Variants in ZMIZ1 observed in about 807,000 individuals in gnomAD.
ZMIZ1 encodes the protein zinc finger MIZ domain-containing protein 1.
Under a neutral mutation model 113.9 loss-of-function variants are expected in ZMIZ1, and 17 were observed. The observed-to-expected ratio is 0.15, with a 90% CI of 0.10 to 0.22. The LOEUF (loss-of-function observed/expected upper bound fraction) is 0.22, where lower values mean the gene tolerates loss of function less well. Ranked by LOEUF, ZMIZ1 falls within the 10% of genes least tolerant of loss-of-function variation. The pLI, the probability that ZMIZ1 is intolerant of heterozygous loss-of-function variation, is 1.00. For synonymous variants in ZMIZ1, 607 were observed against 603.1 expected (o/e 1.01, Z -0.09); for missense variants, 1,059 against 1,477.8 (o/e 0.72, Z 4.65).
At chr10:79,095,266 C>T (rs1050574040) in intron 1 of ZMIZ1, among the ~76,000 whole-genome samples, 2 of 152,242 alleles carry the variant, frequency 1.3e-5, no homozygotes, top group Non-Finnish European at 2.9e-5. Flanking sequence ...GCTCATAAAT[C>T]AGTCATGTCT....
intron 5 of ZMIZ1, among the ~76,000 whole-genome samples, chr10:79,206,703 G>A (rs1029246700): frequency 7.2e-5 from 11 of 152,358 alleles, no homozygotes; most frequent in African/African-American, 2.6e-4. Flanking sequence ...CAGAGTCAGG[G>A]CCAAGGGCAG....
chr10:79,150,254 C>T (rs1845659244), intron 3 of ZMIZ1, among the ~76,000 whole-genome samples: 1 of 152,236 alleles, frequency 6.6e-6, no homozygotes, highest in Non-Finnish European at 1.5e-5. Context: ...CCACCTTTGC[C>T]CCACCCCGTA....
chr10:79,089,242 C>T (rs1469446264), intron 1 of ZMIZ1, among the ~76,000 whole-genome samples: 1 of 152,218 alleles, frequency 6.6e-6, no homozygotes, highest in Non-Finnish European at 1.5e-5. Flanking sequence ...CCGGAGCCTC[C>T]GCATGTCAGA....
intron 3 of ZMIZ1, among the ~76,000 whole-genome samples, chr10:79,159,792 C>A (rs183833662): frequency 1.2e-4 from 19 of 152,232 alleles, no homozygotes; most frequent in African/African-American, 4.6e-4. Context: ...CTAGCACCCC[C>A]ACTTATGGCT....
chr10:79,312,613 T>A, intron 24 of ZMIZ1, 29 bp from the exon 25 acceptor site: 1 of 1,612,562 alleles, frequency 6.2e-7, no homozygotes, highest in Non-Finnish European at 8.5e-7. Flanking sequence ...GCACACCTCA[T>A]CTGAACTTCA....
intron 1 of ZMIZ1, among the ~76,000 whole-genome samples, chr10:79,078,109 C>T (rs570683483): frequency 6.6e-6 from 1 of 152,336 alleles, no homozygotes; most frequent in East Asian, 1.9e-4. Flanking sequence ...CCTACTAGGG[C>T]AGCTTGTTCC....
intron 2 of ZMIZ1, among the ~76,000 whole-genome samples, chr10:79,126,070 C>T (rs1248118605): frequency 2.0e-5 from 3 of 152,188 alleles, no homozygotes; most frequent in Non-Finnish European, 4.4e-5. Context: ...AACCCGCAGA[C>T]CTGGCTCCGT....
chr10:79,276,926 C>T (rs1343050223), intron 7 of ZMIZ1, among the ~76,000 whole-genome samples: 1 of 152,172 alleles, frequency 6.6e-6, no homozygotes, highest in Non-Finnish European at 1.5e-5. Context: ...CGGACCACTA[C>T]TTCCTGCACG....
chr10:79,293,753 C>T (rs1853677550), intron 12 of ZMIZ1, 100 bp downstream of exon 12: 1 of 1,561,440 alleles, frequency 6.4e-7, no homozygotes, highest in Non-Finnish European at 8.8e-7. Flanking sequence ...GGCTTGGACT[C>T]CAGCACACTT....
chr10:79,273,462 A>C (rs1005201422), intron 7 of ZMIZ1, among the ~76,000 whole-genome samples: 2 of 152,198 alleles, frequency 1.3e-5, no homozygotes, highest in African/African-American at 4.8e-5. Context: ...CCCGAGGTCA[A>C]GCAATTCTGC....
At position 79,283,475 on chromosome 10, in the gene ZMIZ1, G is replaced by A. The variant is rs540938579; in HGVS notation, c.425+6150G>A. 1.3e-5 allele frequency among the ~76,000 whole-genome samples: 2 copies of A among 152,322 alleles called. 1 individual carries two copies. The highest frequency in any genetic ancestry group is 4.1e-4 in the South Asian group (2 of 4,824). ...TTATTCCCCTGATCCTCAGCCAGGT[G>A]CCATCAAATTCTTAAGTGCTTATTC... On this transcript the variant is annotated intron_variant, in intron 8 of 24. Transcript: ENST00000334512.
At chr10:79,212,275 A>T (rs1480451644) in intron 6 of ZMIZ1, among the ~76,000 whole-genome samples, 1 of 152,012 alleles carries the variant, frequency 6.6e-6, no homozygotes, top group Admixed American at 6.6e-5. Flanking sequence ...CTCCTGCCTC[A>T]GCCTCCTGGG....
At chr10:79,280,753 T>TGAGGG (rs5786391) in intron 8 of ZMIZ1, among the ~76,000 whole-genome samples, 70,270 of 150,740 alleles carry the variant, frequency 0.47, 16,470 homozygotes, top group East Asian at 0.65. Context: ...CTCCCACATT[T>TGAGGG]GAGTCTCACC....
chr10:79,244,377 C>T (rs1321721235), intron 7 of ZMIZ1, among the ~76,000 whole-genome samples: 1 of 152,180 alleles, frequency 6.6e-6, no homozygotes, highest in African/African-American at 2.4e-5. Context: ...AGAAAGAGCC[C>T]CTTGATAGGG....
intron 2 of ZMIZ1, among the ~76,000 whole-genome samples, chr10:79,124,580 C>T (rs1844434692): frequency 6.6e-6 from 1 of 152,236 alleles, no homozygotes; most frequent in Admixed American, 6.5e-5. Flanking sequence ...AGTGAATCTT[C>T]AGTTGAGCTG....
chr10:79,296,568 C>T lies in ZMIZ1; in HGVS notation c.1328C>T (p.Pro443Leu), dbSNP rs1853906452. The T allele has an allele frequency of 1.2e-6, 2 of 1,613,342 alleles. No individual in the cohort carries two copies. The highest frequency in any genetic ancestry group is 1.7e-5 in the Admixed American group (1 of 59,948). The change falls in exon 13 of 25, where the codon CCC (proline) becomes CTC (leucine). Residue 443 changes from proline (P) to leucine (L), a missense_variant. Transcript: ENST00000334512. This position sits in a 1 kb window ranked among gnomAD's most constrained non-coding sequence, Gnocchi z 4.1. ...APNPPRPLTS[P>L]NYPGQRMPSQ... ...AACCCCCCGAGGCCACTCACCTCCC[C>T]CAACTACCCAGGACAGAGGATGCCC...
chr10:79,157,097 CAG>C (rs1845929174), intron 3 of ZMIZ1, among the ~76,000 whole-genome samples: 1 of 152,182 alleles, frequency 6.6e-6, no homozygotes, highest in Non-Finnish European at 1.5e-5. Context: ...TTCCAAAGGA[CAG>C]TGACGAGACG....
intron 4 of ZMIZ1, among the ~76,000 whole-genome samples, chr10:79,199,484 C>T (rs1466684088): frequency 4.0e-5 from 6 of 151,006 alleles, no homozygotes; most frequent in South Asian, 2.1e-4. Flanking sequence ...CCAGCCTGGG[C>T]GACAAAGTGA....
intron 7 of ZMIZ1, among the ~76,000 whole-genome samples, chr10:79,261,382 A>C (rs1417862529): frequency 1.3e-5 from 2 of 152,198 alleles, no homozygotes; most frequent in Non-Finnish European, 2.9e-5. Flanking sequence ...TGTTTTCTGC[A>C]GGGAGAGAGC....
Sources: gnomAD v4.1 joint callset for allele counts (sites outside exome capture counted in the v4.1 genomes callset) on GRCh38, gnomAD v4.1.1 for gene constraint, Gnocchi (gnomAD v3.1) non-coding constraint, MANE v1.5 for transcripts, NCBI Gene and HGNC (gene_info 2026-07-23, HGNC 2026-07-21) for gene names.